ABCA12: variants seen among roughly 807,000 people sequenced by gnomAD.
The protein encoded by ABCA12 is ATP binding cassette subfamily A member 12.
Under a neutral mutation model 293.5 loss-of-function variants are expected in ABCA12, and 156 were observed. That is an observed-to-expected ratio of 0.53 (90% CI 0.47 to 0.61). The LOEUF is 0.61. ABCA12 is among the 20% of genes least tolerant of loss of function. The probability of loss-of-function intolerance (pLI) is 0.00; values close to 1 mark genes in which losing one functional copy is unlikely to be tolerated. For synonymous variants in ABCA12, 1,063 were observed against 1,108.0 expected, an observed-to-expected ratio of 0.96 and a Z score of 0.81; for missense variants, 2,797 against 3,090.2, an observed-to-expected ratio of 0.91 and a Z score of 2.25.
chr2:214,947,529 G>A lies in ABCA12; in HGVS notation c.7132C>T (p.His2378Tyr), dbSNP rs1313074087. 3 of 1,613,740 alleles carry A rather than the reference G, an allele frequency of 1.9e-6. No individual in the cohort carries two copies. Among genetic ancestry groups the A allele is most frequent in the African/African-American group, 2.7e-5 (2 of 74,888 alleles). Reference sequence around the variant, plus strand: ...GCTCTGTCCTTGAAGGGCATCAGGTGAAGTCTCCTAAGGAGTTTATGAACA... The same window carrying A: ...GCTCTGTCCTTGAAGGGCATCAGGTAAAGTCTCCTAAGGAGTTTATGAACA... ...ETVHKLLRRLHLMPFKDRATS... is the reference protein window; with the variant it reads ...ETVHKLLRRLYLMPFKDRATS... Residue 2378 changes from histidine (H) to tyrosine (Y), a missense_variant, in exon 48 of 53, where the codon CAC becomes TAC. Coordinates refer to ENST00000272895, the MANE Select transcript of ABCA12 (RefSeq NM_173076.3).
chr2:215,101,006 C>T (rs1184490409), intron 2 of ABCA12, among the ~76,000 whole-genome samples: 1 of 152,152 alleles, frequency 6.6e-6, no homozygotes, highest in Non-Finnish European at 1.5e-5. Flanking sequence ...TCCAACAGTA[C>T]TCTCTGAGAG....
intron 38 of ABCA12, among the ~76,000 whole-genome samples, chr2:214,968,076 A>C (rs1699305220): frequency 6.6e-6 from 1 of 152,106 alleles, no homozygotes; most frequent in Non-Finnish European, 1.5e-5. Context: ...TTCATTTCTA[A>C]ATAGTTTTGA....
intron 1 of ABCA12, among the ~76,000 whole-genome samples, chr2:215,134,306 G>A (rs1352334089): frequency 2.8e-5 from 4 of 143,610 alleles, no homozygotes. Context: ...ACATATATAC[G>A]TATATGTGTA....
Position 215,024,328 on chromosome 2 carries a change from CTA to C in ABCA12, c.1287+1343_1287+1344del, listed in dbSNP as rs1159730175. On this transcript the variant is annotated intron_variant, in intron 11 of 52. Transcript: ENST00000272895. ...ACAATAAGCACTTTGGGGTAAGAGG[CTA>C]TGTCTTACAAATAAATAGATTAGTA... Among the ~76,000 whole-genome samples, 5 of 152,174 alleles carry C rather than the reference CTA, an allele frequency of 3.3e-5. No homozygotes were observed. In the East Asian group the frequency reaches 9.7e-4, roughly 29 times the overall value.
chr2:215,124,132 A>G (rs1702870044), intron 1 of ABCA12, among the ~76,000 whole-genome samples: 1 of 152,310 alleles, frequency 6.6e-6, no homozygotes, highest in African/African-American at 2.4e-5. Flanking sequence ...GTATTCCATC[A>G]CATATATATT....
chr2:214,965,258 C>T (rs1699226406), intron 39 of ABCA12, among the ~76,000 whole-genome samples: 2 of 151,982 alleles, frequency 1.3e-5, no homozygotes, highest in African/African-American at 4.8e-5. Flanking sequence ...AATGTAAAAC[C>T]CAAAACTATA....
At chr2:215,040,952 G>T (rs1441909319) in intron 7 of ABCA12, among the ~76,000 whole-genome samples, 1 of 152,136 alleles carries the variant, frequency 6.6e-6, no homozygotes. Flanking sequence ...TACCATGATG[G>T]TTTGCTGCAC....
intron 28 of ABCA12, among the ~76,000 whole-genome samples, 186 bp from the exon 29 acceptor site, chr2:214,984,051 G>T (rs765669217): frequency 1.4e-5 from 2 of 143,738 alleles, no homozygotes; most frequent in Non-Finnish European, 3.0e-5. Context: ...ATAATTCAGA[G>T]TATTACATAA....
At chr2:215,120,398 GA>G (rs1420185905) in intron 1 of ABCA12, among the ~76,000 whole-genome samples, 2 of 151,786 alleles carry the variant, frequency 1.3e-5, no homozygotes, top group African/African-American at 2.4e-5. Flanking sequence ...AATAAAATTT[GA>G]AAAAAATAAT....
Position 215,007,724 on chromosome 2 carries a change from T to C in ABCA12, c.2592+3A>G, listed in dbSNP as rs1266467200. ...TAAGTTGAATGACAGAAGCATCTCA[T>C]ACCTGGAGCATTGGAATTGCCTGGT... On this transcript the variant is annotated splice_donor_region_variant and intron_variant, in intron 19 of 52. Coordinates refer to ENST00000272895, the MANE Select transcript of ABCA12 (RefSeq NM_173076.3). The C allele has an allele frequency of 2.5e-5, 41 of 1,613,828 alleles. No homozygotes were observed. Among genetic ancestry groups the C allele is most frequent in the East Asian group, 4.5e-5 (2 of 44,840 alleles).
At chr2:215,133,483 T>C (rs1033240861) in intron 1 of ABCA12, among the ~76,000 whole-genome samples, 1 of 152,086 alleles carries the variant, frequency 6.6e-6, no homozygotes, top group Non-Finnish European at 1.5e-5. Flanking sequence ...TCTTATATTA[T>C]CTAGTCTTTC....
At chr2:215,034,967 G>A (rs1474649774) in intron 8 of ABCA12, among the ~76,000 whole-genome samples, 2 of 152,162 alleles carry the variant, frequency 1.3e-5, no homozygotes, top group Non-Finnish European at 2.9e-5. Flanking sequence ...AACCAAGGGA[G>A]AAAGGATGTT....
In ABCA12 at chr2:214,958,159, C is replaced by G; in HGVS notation, c.6117+118G>C. The G allele has an allele frequency of 3.7e-6, 5 of 1,369,838 alleles. No homozygotes were observed. The Admixed American group carries it at 8.7e-5, about 24-fold the overall frequency. The allele number at this position is 1,369,838 out of a possible 1,614,324, so 84.9% of individuals were successfully genotyped here. On this transcript the variant is annotated intron_variant, in intron 41 of 52. Transcript: ENST00000272895. ...CTGACTCAAGTCATTTTCTTTATTTCCTGTCTTTGTGATAACAATTTGAAC... is the reference window on the plus strand; with the variant it reads ...CTGACTCAAGTCATTTTCTTTATTTGCTGTCTTTGTGATAACAATTTGAAC...
chr2:214,992,056 A>T (rs1436012811), intron 23 of ABCA12, among the ~76,000 whole-genome samples: 1 of 152,156 alleles, frequency 6.6e-6, no homozygotes, highest in Non-Finnish European at 1.5e-5. Context: ...AAAAATAAAA[A>T]GATTTAAAGT....
chr2:215,001,832 G>A, intron 20 of ABCA12, 95 bp from the exon 21 acceptor site: 1 of 1,079,042 alleles, frequency 9.3e-7, no homozygotes, highest in Non-Finnish European at 1.3e-6. Context: ...TACTAAACTA[G>A]ATTATAAATA....
intron 2 of ABCA12, among the ~76,000 whole-genome samples, chr2:215,093,425 C>T (rs1462192873): frequency 2.0e-5 from 3 of 152,190 alleles, no homozygotes; most frequent in African/African-American, 7.2e-5. Flanking sequence ...TCCTTAAAAA[C>T]AGCCCTAGAA....
At chr2:215,104,684 G>A (rs1702426293) in intron 2 of ABCA12, among the ~76,000 whole-genome samples, 1 of 152,180 alleles carries the variant, frequency 6.6e-6, no homozygotes, top group African/African-American at 2.4e-5. Flanking sequence ...GTACAGGATG[G>A]GTCTTTGGCC....
At chr2:215,102,226 A>G (rs1228517827) in intron 2 of ABCA12, among the ~76,000 whole-genome samples, 1 of 152,246 alleles carries the variant, frequency 6.6e-6, no homozygotes, top group African/African-American at 2.4e-5. Flanking sequence ...ATGTATATCT[A>G]TAGTCAGAAA....
At chr2:215,100,219 C>T (rs1300512396) in intron 2 of ABCA12, among the ~76,000 whole-genome samples, 1 of 152,056 alleles carries the variant, frequency 6.6e-6, no homozygotes, top group East Asian at 1.9e-4. Flanking sequence ...TTGTGTCTCC[C>T]TCTGTTTCCC....
Sources: allele counts gnomAD v4.1 joint callset (sites outside exome capture counted in the v4.1 genomes callset), GRCh38; gene constraint gnomAD v4.1.1; transcripts MANE v1.5; gene names NCBI Gene and HGNC (gene_info 2026-07-23, HGNC 2026-07-21).